TANK: variants seen among roughly 807,000 people sequenced by gnomAD.
TANK encodes the protein TRAF family member associated NFKB activator.
In TANK, 15 loss-of-function variants were observed where a neutral mutation model predicts 43.6. The ratio of observed to expected loss-of-function variants is 0.34; its 90% CI spans 0.23 to 0.53. TANK has a LOEUF of 0.53. Ranked by LOEUF, TANK falls within the 20% of genes least tolerant of loss-of-function variation. The pLI is 0.94. For synonymous variants in TANK, 162 were observed against 178.2 expected (o/e 0.91, Z 0.73); for missense variants, 417 against 498.6 (o/e 0.84, Z 1.56).
At chr2:161,216,437 T>C (rs1382467978) in intron 4 of TANK, 6 of 469,428 alleles carry the variant, frequency 1.3e-5, no homozygotes, top group Non-Finnish European at 2.2e-5. Context: ...CATCTTATCC[T>C]GAGCCGTAAG....
At chr2:161,180,722 T>C (rs13430205) in intron 2 of TANK, among the ~76,000 whole-genome samples, 17,275 of 152,092 alleles carry the variant, frequency 0.11, 1,688 homozygotes, top group African/African-American at 0.26. Context: ...ATACTCATAG[T>C]TAAGATTTAT....
At chr2:161,214,995 G>A (rs1483213754) in intron 4 of TANK, among the ~76,000 whole-genome samples, 2 of 152,106 alleles carry the variant, frequency 1.3e-5, no homozygotes, top group African/African-American at 4.8e-5. Context: ...CCAAGAGGGA[G>A]ACATTACCTA....
rs1358749011 is a variant in TANK, at chr2:161,231,389, T to C, written c.939T>C (p.Asn313=). The C allele has an allele frequency of 6.2e-7, 1 of 1,614,012 alleles. No homozygotes were observed. The highest frequency in any genetic ancestry group is 2.2e-5 in the East Asian group (1 of 44,900). ...CAACTGACAAAACAAAGCCCTCAAA[T>C]CTCGTAAACACTTGTATCAGGACAA... ...LKTTDKTKPS[N]LVNTCIRTTL... is the part of the protein sequence containing the mutation. The change falls in exon 7 of 8, where the codon AAT becomes AAC. Residue 313 remains asparagine, a synonymous_variant. Coordinates refer to ENST00000392749, the MANE Select transcript of TANK (RefSeq NM_001199135.3).
upstream of TANK, chr2:161,156,315 T>C: frequency 1.0e-6 from 1 of 985,468 alleles, no homozygotes; most frequent in Non-Finnish European, 1.2e-6. Flanking sequence ...TATGTGAATT[T>C]TGCCATTGCA....
Position 161,161,643 on chromosome 2 carries a change from A to G in TANK, c.-50+1157A>G, listed in dbSNP as rs1232729192. ...CATACTGTTCGATAATCTGTTTCAG[A>G]TTAAATATATATATATGGTGAAAGT... On this transcript the variant is annotated intron_variant, in intron 1 of 7. Coordinates refer to ENST00000392749, the MANE Select transcript of TANK (RefSeq NM_001199135.3). 6.4e-6 allele frequency: 4 copies of G among 620,882 alleles called. No individual in the cohort carries two copies. In the African/African-American group the frequency reaches 7.4e-5, roughly 11 times the overall value. The allele number at this position is 620,882 out of a possible 1,614,324, so 38.5% of individuals were successfully genotyped here. A position where few individuals can be genotyped will look rare whatever the true frequency, so the allele number is the denominator to read the frequency against.
chr2:161,213,811 A>T (rs1307372844), intron 4 of TANK, among the ~76,000 whole-genome samples: 1 of 151,898 alleles, frequency 6.6e-6, no homozygotes, highest in East Asian at 1.9e-4. Flanking sequence ...AGTCTTTGAT[A>T]CTGCACTAAA....
chr2:161,167,691 T>A (rs1428754846), intron 1 of TANK, among the ~76,000 whole-genome samples: 1 of 152,050 alleles, frequency 6.6e-6, no homozygotes, highest in African/African-American at 2.4e-5. Flanking sequence ...GGCGCGATCT[T>A]GTCTCACTGC....
At chr2:161,210,697 A>G (rs1284337485) in intron 4 of TANK, among the ~76,000 whole-genome samples, 11 of 132,928 alleles carry the variant, frequency 8.3e-5, no homozygotes, top group Admixed American at 3.8e-4. Context: ...AACTCCGTCT[A>G]AAAAAAAAAA....
At chr2:161,155,908 C>A, upstream of TANK, 1 of 349,360 alleles carries the variant, frequency 2.9e-6, no homozygotes, top group Non-Finnish European at 4.0e-6. Flanking sequence ...AGTGATCTTT[C>A]TATCCCTAAT....
intron 1 of TANK, among the ~76,000 whole-genome samples, chr2:161,165,851 G>C (rs537357461): frequency 8.6e-4 from 131 of 152,346 alleles, no homozygotes; most frequent in African/African-American, 3.0e-3. Flanking sequence ...AGCCAACTGA[G>C]CAGTGCCATG....
intron 1 of TANK, chr2:161,162,970 A>C (rs1014952216): frequency 5.9e-5 from 9 of 152,144 alleles, no homozygotes; most frequent in African/African-American, 2.2e-4. Flanking sequence ...GAATTACTTT[A>C]GTATATTTGC....
At chr2:161,171,975 A>G (rs904486348) in intron 1 of TANK, among the ~76,000 whole-genome samples, 2 of 152,132 alleles carry the variant, frequency 1.3e-5, no homozygotes, top group African/African-American at 4.8e-5. Flanking sequence ...AATCATTAGT[A>G]CTACCTTATT....
chr2:161,230,988 C>T lies in TANK; in HGVS notation c.538C>T (p.Pro180Ser), dbSNP rs765116440. The change falls in exon 7 of 8, where the codon CCT becomes TCT. Residue 180 changes from proline (P) to serine (S), a missense_variant. Pro to Ser is a moderately conservative substitution (Grantham distance 74). Coordinates refer to ENST00000392749, the MANE Select transcript of TANK (RefSeq NM_001199135.3). Reference protein sequence around the residue: ...DTATETQCSVPIQCTDKTDKQ... With the variant: ...DTATETQCSVSIQCTDKTDKQ... Reference sequence around the variant, plus strand: ...CCCTCCAGAAACACAGTGCTCTGTGCCTATACAGTGTACGGATAAAACAGA... The same window carrying T: ...CCCTCCAGAAACACAGTGCTCTGTGTCTATACAGTGTACGGATAAAACAGA... 4.3e-6 allele frequency: 7 copies of T among 1,613,582 alleles called. No individual in the cohort carries two copies. The Admixed American group carries it at 1.2e-4, about 27-fold the overall frequency.
Position 161,231,167 on chromosome 2 carries a change from G to A in TANK, c.717G>A (p.Met239Ile). ...AATTCAATGTCAAGTTTCCACCTAT[G>A]GACAATGACTCAACTTTCTTACATA... ...LSKFNVKFPPMDNDSTFLHST... is the reference protein window; with the variant it reads ...LSKFNVKFPPIDNDSTFLHST... Residue 239 changes from methionine to isoleucine, a missense_variant, in exon 7 of 8, where the codon ATG becomes ATA. Coordinates refer to ENST00000392749, the MANE Select transcript of TANK (RefSeq NM_001199135.3). 5.0e-6 allele frequency: 8 copies of A among 1,613,896 alleles called. No homozygotes were observed. Among genetic ancestry groups the A allele is most frequent in the Non-Finnish European group, 6.8e-6 (8 of 1,180,014 alleles).
chr2:161,232,251 T>TA (rs1687947644), intron 7 of TANK, among the ~76,000 whole-genome samples: 1 of 151,972 alleles, frequency 6.6e-6, no homozygotes, highest in Non-Finnish European at 1.5e-5. Context: ...TTCTTTTAGT[T>TA]AAAAAAAAGT....
In TANK at chr2:161,212,410, T is replaced by A. The variant is rs553776062; in HGVS notation, c.327+7617T>A. On this transcript the variant is annotated intron_variant, in intron 4 of 7. Transcript: ENST00000392749. ...AATATTGATATCCAAAACATTTTAATAATTACATTGAAATTTTCTATTGCA... is the reference window on the plus strand; with the variant it reads ...AATATTGATATCCAAAACATTTTAAAAATTACATTGAAATTTTCTATTGCA... The A allele has an allele frequency of 6.3e-5, 62 of 984,692 alleles. No individual in the cohort carries two copies. The East Asian group carries it at 3.9e-3, about 61-fold the overall frequency. 61.0% of individuals were successfully genotyped at this position (984,692 alleles called of 1,614,324 possible).
chr2:161,204,849 C>T (rs958427198), intron 4 of TANK, 56 bp downstream of exon 4: 1 of 1,580,658 alleles, frequency 6.3e-7, no homozygotes, highest in Non-Finnish European at 8.6e-7. Flanking sequence ...GACATAGCTT[C>T]CTCATTTTAT....
chr2:161,183,879 A>G (rs905428920), intron 2 of TANK, among the ~76,000 whole-genome samples: 6 of 151,996 alleles, frequency 3.9e-5, no homozygotes, highest in Non-Finnish European at 8.8e-5. Flanking sequence ...CATAAATAAA[A>G]TAGATATTTT....
At chr2:161,205,111 G>A in intron 4 of TANK, 1 of 453,826 alleles carries the variant, frequency 2.2e-6, no homozygotes, top group East Asian at 1.2e-4. Context: ...GATCACTTGA[G>A]CTCAGCAGTT....
Sources: gnomAD v4.1 joint callset for allele counts (sites outside exome capture counted in the v4.1 genomes callset) on GRCh38, gnomAD v4.1.1 for gene constraint, MANE v1.5 for transcripts, NCBI Gene and HGNC (gene_info 2026-07-23, HGNC 2026-07-21) for gene names.